The following CADM2 variants were observed in gnomAD, a reference collection of about 807,000 sequenced individuals.
CADM2 encodes cell adhesion molecule 2.
A neutral mutation model predicts 49.8 loss-of-function variants in CADM2; 12 were observed. The observed-to-expected ratio is 0.24, with a 90% CI of 0.15 to 0.39. CADM2 has a LOEUF of 0.39. Among genes scored for constraint, CADM2 ranks in the 10% least tolerant of loss-of-function variants. The pLI, the probability that CADM2 is intolerant of heterozygous loss-of-function variation, is 1.00. For synonymous variants in CADM2, 214 were observed against 175.4 expected (o/e 1.22, Z -1.74); for missense variants, 378 against 492.3 (o/e 0.77, Z 2.20).
chr3:85,142,930 A>C (rs375001497), intron 1 of CADM2, among the ~76,000 whole-genome samples: 4 of 152,340 alleles, frequency 2.6e-5, no homozygotes, highest in East Asian at 1.9e-4. Context: ...GTGTTTGGAA[A>C]GTAATTATTT....
chr3:85,080,216 A>G (rs1171879266), intron 1 of CADM2, among the ~76,000 whole-genome samples: 1 of 152,018 alleles, frequency 6.6e-6, no homozygotes, highest in Non-Finnish European at 1.5e-5. Flanking sequence ...ACAACATTAC[A>G]TATAGATAGG....
intron 1 of CADM2, among the ~76,000 whole-genome samples, chr3:85,725,016 T>C (rs2067640418): frequency 6.6e-6 from 1 of 151,850 alleles, no homozygotes; most frequent in African/African-American, 2.4e-5. Flanking sequence ...TTTAAGTTAC[T>C]TTAAAAAAAA....
At chr3:85,781,546 G>C (rs984471843) in intron 2 of CADM2, among the ~76,000 whole-genome samples, 2 of 152,226 alleles carry the variant, frequency 1.3e-5, no homozygotes, top group South Asian at 4.1e-4. Context: ...TTCTAAGAGA[G>C]AATGTAGAAA....
At chr3:85,228,876 A>G (rs1258697822) in intron 1 of CADM2, among the ~76,000 whole-genome samples, 2 of 152,140 alleles carry the variant, frequency 1.3e-5, no homozygotes, top group South Asian at 2.1e-4. Flanking sequence ...TGCTCTCTTC[A>G]GAGCTGTCAG....
chr3:86,002,984 T>G (rs1242931966), intron 8 of CADM2, among the ~76,000 whole-genome samples: 2 of 152,178 alleles, frequency 1.3e-5, no homozygotes, highest in African/African-American at 4.8e-5. Context: ...TGTTTATCAC[T>G]CCTCTCCATC....
intron 8 of CADM2, among the ~76,000 whole-genome samples, chr3:86,059,883 T>TA (rs948018929): frequency 2.6e-5 from 4 of 151,784 alleles, no homozygotes; most frequent in Admixed American, 1.3e-4. Flanking sequence ...TATGGGGATT[T>TA]AAAAAAAAGC....
At chr3:85,500,738 C>G (rs572864535) in intron 1 of CADM2, among the ~76,000 whole-genome samples, 2 of 152,010 alleles carry the variant, frequency 1.3e-5, no homozygotes, top group African/African-American at 4.8e-5. Context: ...AGGATGGTCT[C>G]GATCTCCTGA....
At chr3:85,241,155 G>T (rs758917719) in intron 1 of CADM2, among the ~76,000 whole-genome samples, 3 of 151,364 alleles carry the variant, frequency 2.0e-5, no homozygotes, top group Non-Finnish European at 3.0e-5. Flanking sequence ...CTACTCCCGA[G>T]ATTGACAGAA....
chr3:85,798,821 G>A (rs1003031552), intron 2 of CADM2, among the ~76,000 whole-genome samples: 1 of 152,102 alleles, frequency 6.6e-6, no homozygotes, highest in African/African-American at 2.4e-5. Flanking sequence ...GTCAATGGTA[G>A]CTTGATGGGG....
At chr3:85,707,163 A>G (rs1226680884) in intron 1 of CADM2, among the ~76,000 whole-genome samples, 1 of 151,922 alleles carries the variant, frequency 6.6e-6, no homozygotes, top group East Asian at 1.9e-4. Context: ...TTATATTAAT[A>G]TTTAATTATA....
At chr3:85,766,747 G>A (rs1490663071) in intron 2 of CADM2, among the ~76,000 whole-genome samples, 7 of 152,080 alleles carry the variant, frequency 4.6e-5, no homozygotes, top group Admixed American at 3.9e-4. Flanking sequence ...TTTATCATGA[G>A]CTTTCATTTT....
chr3:85,152,060 G>A (rs948074560), intron 1 of CADM2, among the ~76,000 whole-genome samples: 2 of 151,912 alleles, frequency 1.3e-5, no homozygotes, highest in Non-Finnish European at 2.9e-5. Context: ...TATATATCAC[G>A]AACTTCAAGT....
At chr3:85,564,464 C>G (rs910867897) in intron 1 of CADM2, among the ~76,000 whole-genome samples, 13 of 152,082 alleles carry the variant, frequency 8.5e-5, no homozygotes, top group Admixed American at 6.6e-4. Context: ...TAGCTAACAT[C>G]CTTAATACTT....
chr3:85,384,882 A>G (rs1170084100), intron 1 of CADM2, among the ~76,000 whole-genome samples: 1 of 152,140 alleles, frequency 6.6e-6, no homozygotes, highest in Non-Finnish European at 1.5e-5. Flanking sequence ...GCATATAAAT[A>G]TATAAATGTT....
intron 1 of CADM2, among the ~76,000 whole-genome samples, chr3:85,237,475 T>C (rs1394441145): frequency 1.3e-5 from 2 of 151,660 alleles, no homozygotes; most frequent in African/African-American, 4.8e-5. Context: ...ATTCTATATA[T>C]AATGAAAAAT....
intron 2 of CADM2, among the ~76,000 whole-genome samples, chr3:85,730,550 T>C (rs2107794270): frequency 6.6e-6 from 1 of 152,324 alleles, no homozygotes; most frequent in Non-Finnish European, 1.5e-5. Flanking sequence ...ATTCTCAACA[T>C]GCTACATTTG....
intron 1 of CADM2, among the ~76,000 whole-genome samples, chr3:85,016,505 A>C (rs1456198921): frequency 1.3e-5 from 2 of 152,076 alleles, no homozygotes; most frequent in African/African-American, 4.8e-5. Flanking sequence ...TTCAAGAAAA[A>C]CTTGGTGCTG....
chr3:85,910,737 G>A (rs1390713880), intron 5 of CADM2, among the ~76,000 whole-genome samples: 1 of 151,744 alleles, frequency 6.6e-6, no homozygotes, highest in Non-Finnish European at 1.5e-5. Flanking sequence ...AACATTTTGT[G>A]GTAAAAATCT....
chr3:85,957,456 G>A (rs1310052386), intron 7 of CADM2, among the ~76,000 whole-genome samples: 10 of 151,326 alleles, frequency 6.6e-5, no homozygotes, highest in Admixed American at 4.6e-4. Flanking sequence ...CCTGAAGACA[G>A]AAAAAAACAA....
Sources: gnomAD v4.1 joint callset for allele counts (sites outside exome capture counted in the v4.1 genomes callset) on GRCh38, gnomAD v4.1.1 for gene constraint, MANE v1.5 for transcripts, NCBI Gene and HGNC (gene_info 2026-07-23, HGNC 2026-07-21) for gene names.